ZNF248: variants seen among roughly 807,000 people sequenced by gnomAD.
ZNF248 encodes the protein KRAB protein domain.
ZNF248 carries 20 observed loss-of-function variants against 44.3 expected under a neutral mutation model. The ratio of observed to expected loss-of-function variants is 0.45; its 90% CI spans 0.32 to 0.66. The LOEUF (loss-of-function observed/expected upper bound fraction) is 0.66. Ranked by LOEUF, ZNF248 falls within the 30% of genes least tolerant of loss-of-function variation. The pLI is 0.04. For synonymous variants in ZNF248, 224 were observed against 229.0 expected (o/e 0.98, Z 0.20); for missense variants, 654 against 677.0 (o/e 0.97, Z 0.38).
chr10:37,847,731 CA>C (rs71007673), intron 3 of ZNF248, among the ~76,000 whole-genome samples: 15,546 of 149,892 alleles, frequency 0.1, 1,002 homozygotes, highest in Admixed American at 0.18. Flanking sequence ...GATATGTTTA[CA>C]AAAAAAAATT....
At position 37,829,161 on chromosome 10, in the gene ZNF248, C is replaced by T. The variant is rs185476869; in HGVS notation, c.*2454G>A. ...CCAAAGAGAGACACCAGCAATTTGG[C>T]ACCACAGTTCTGGTAGTAATGATGT... On this transcript the variant is annotated 3_prime_UTR_variant, in exon 6 of 6. Transcript: ENST00000395867. 2.4e-4 allele frequency: 233 copies of T among 985,456 alleles called. No individual in the cohort carries two copies. The highest frequency in any genetic ancestry group is 6.1e-4 in the South Asian group (13 of 21,278). 61.0% of individuals were successfully genotyped at this position (985,456 alleles called of 1,614,324 possible). A position where few individuals can be genotyped will look rare whatever the true frequency, so the allele number is the denominator to read the frequency against.
chr10:37,790,133 C>T (rs12267169), intron 6 of ZNF248, among the ~76,000 whole-genome samples: 29,654 of 150,024 alleles, frequency 0.2, 3,198 homozygotes, highest in Middle Eastern at 0.28. Context: ...GAGACAGGCG[C>T]GGTGGCAGGT....
Position 37,832,343 on chromosome 10 carries a change from C to A in ZNF248, c.1012G>T (p.Ala338Ser). Residue 338 changes from alanine (A) to serine (S), a missense_variant, in exon 6 of 6, where the codon GCT becomes TCT. Transcript: ENST00000395867. ...TGTACTATTTGATGTTTTAAGAGAGCTGACTTTTCCCAGGTTTTGTCACTC... is the reference window on the plus strand; with the variant it reads ...TGTACTATTTGATGTTTTAAGAGAGATGACTTTTCCCAGGTTTTGTCACTC... ...KVSDKTWEKSALLKHQIVHMG... is the reference protein window; with the variant it reads ...KVSDKTWEKSSLLKHQIVHMG... 2 of 1,614,062 alleles carry A rather than the reference C, an allele frequency of 1.2e-6. No homozygotes were observed. The highest frequency in any genetic ancestry group is 1.7e-6 in the Non-Finnish European group (2 of 1,179,970).
At chr10:37,837,751 C>A in intron 4 of ZNF248, 39 bp from the exon 5 acceptor site, 1 of 1,589,470 alleles carries the variant, frequency 6.3e-7, no homozygotes, top group Non-Finnish European at 8.6e-7. Context: ...AGCTAAATAG[C>A]TTGGTTTCAG....
At chr10:37,768,479 G>A in the ZNF248 span, among the ~76,000 whole-genome samples, 9 of 152,068 alleles carry the variant, frequency 5.9e-5, no homozygotes, top group Non-Finnish European at 1.2e-4. Context: ...ACTCAAAATC[G>A]CTCAACTACA....
the ZNF248 span, among the ~76,000 whole-genome samples, chr10:37,763,963 G>C: frequency 2.0e-5 from 3 of 152,122 alleles, no homozygotes. Flanking sequence ...TGTGATGATT[G>C]TGTTAACTGC....
In ZNF248 at chr10:37,831,558, A is replaced by G; in HGVS notation, c.*57T>C. ...TTCTGACATTCTTTGGCTTTCTCTG[A>G]TCTCCTTTTTTGAAACTGTATAACC... On this transcript the variant is annotated 3_prime_UTR_variant, in exon 6 of 6. Transcript: ENST00000395867. 2 of 1,553,800 alleles carry G rather than the reference A, an allele frequency of 1.3e-6. No individual in the cohort carries two copies. The highest frequency in any genetic ancestry group is 1.7e-6 in the Non-Finnish European group (2 of 1,152,978).
rs1200427459 is a variant in ZNF248 at position 37,832,415 on chromosome 10, T to C, written c.940A>G (p.Ile314Val). ...TTTCTTGTGTAAGCTCCCTGATGGATAATGAAAGCTGAATTGTCACAGAAG... is the reference window on the plus strand; with the variant it reads ...TTTCTTGTGTAAGCTCCCTGATGGACAATGAAAGCTGAATTGTCACAGAAG... Reference protein sequence around the residue: ...EIFCDNSAFIIHQGAYTRKIL... With the variant: ...EIFCDNSAFIVHQGAYTRKIL... Residue 314 changes from isoleucine to valine, a missense_variant, in exon 6 of 6, where the codon ATC (isoleucine) becomes GTC (valine). Physicochemically the swap from Ile to Val is conservative, Grantham distance 29. Coordinates refer to ENST00000395867, the MANE Select transcript of ZNF248 (RefSeq NM_021045.3). 4 of 1,614,000 alleles carry C rather than the reference T, an allele frequency of 2.5e-6. No individual in the cohort carries two copies. Among genetic ancestry groups the C allele is most frequent in the Admixed American group, 1.7e-5 (1 of 59,966 alleles).
At chr10:37,759,381 A>T in the ZNF248 span, among the ~76,000 whole-genome samples, 3 of 152,174 alleles carry the variant, frequency 2.0e-5, no homozygotes, top group Non-Finnish European at 4.4e-5. Flanking sequence ...GAACAAGTTC[A>T]TGAAACTATA....
Position 37,832,342 on chromosome 10 carries a change from G to A in ZNF248, c.1013C>T (p.Ala338Val). The A allele has an allele frequency of 6.2e-7, 1 of 1,614,042 alleles. No individual in the cohort carries two copies. The highest frequency in any genetic ancestry group is 2.2e-5 in the East Asian group (1 of 44,880). The change falls in exon 6 of 6, where the codon GCT (alanine) becomes GTT (valine). Residue 338 changes from alanine (A) to valine (V), a missense_variant. By Grantham distance (64) the Ala-to-Val change is moderately conservative (BLOSUM62 0). Transcript: ENST00000395867. ...KVSDKTWEKS[A>V]LLKHQIVHMG... ...GTGTACTATTTGATGTTTTAAGAGAGCTGACTTTTCCCAGGTTTTGTCACT... is the reference window on the plus strand; with the variant it reads ...GTGTACTATTTGATGTTTTAAGAGAACTGACTTTTCCCAGGTTTTGTCACT...
At chr10:37,771,410 G>T in the ZNF248 span, among the ~76,000 whole-genome samples, 1 of 152,024 alleles carries the variant, frequency 6.6e-6, no homozygotes, top group East Asian at 1.9e-4. Flanking sequence ...AAGAAAATGT[G>T]GCACATATAC....
chr10:37,852,479 G>C (rs1424061563), intron 3 of ZNF248, among the ~76,000 whole-genome samples: 3 of 151,900 alleles, frequency 2.0e-5, no homozygotes, highest in African/African-American at 7.3e-5. Flanking sequence ...GGGTTGGCTG[G>C]GGTTGGGGAA....
chr10:37,772,063 G>A (rs184207529), downstream of ZNF248, among the ~76,000 whole-genome samples: 2 of 152,178 alleles, frequency 1.3e-5, no homozygotes, highest in East Asian at 3.9e-4. Context: ...TCAGGAGTTC[G>A]AGACCAGCAT....
At chr10:37,841,393 T>G (rs2058320122) in intron 3 of ZNF248, among the ~76,000 whole-genome samples, 1 of 152,008 alleles carries the variant, frequency 6.6e-6, no homozygotes, top group Non-Finnish European at 1.5e-5. Flanking sequence ...TTGGAGTAAA[T>G]TTCTCTGACC....
At chr10:37,826,509 C>T (rs555383612), downstream of ZNF248, among the ~76,000 whole-genome samples, 28 of 152,220 alleles carry the variant, frequency 1.8e-4, no homozygotes, top group South Asian at 3.3e-3. Flanking sequence ...CGTTCAGGTA[C>T]GTTTTTCATC....
chr10:37,834,007 A>T (rs1350962877), intron 5 of ZNF248, among the ~76,000 whole-genome samples: 3 of 152,152 alleles, frequency 2.0e-5, no homozygotes, highest in Non-Finnish European at 4.4e-5. Context: ...ATTTCTGTGC[A>T]GTTTGGCTAG....
chr10:37,804,506 T>A (rs1003357536), intron 6 of ZNF248, among the ~76,000 whole-genome samples: 1 of 152,202 alleles, frequency 6.6e-6, no homozygotes, highest in African/African-American at 2.4e-5. Flanking sequence ...CCATCTTGGC[T>A]CACTGCAACC....
the ZNF248 span, among the ~76,000 whole-genome samples, chr10:37,768,266 C>T: frequency 1.1e-4 from 16 of 152,120 alleles, no homozygotes; most frequent in Non-Finnish European, 1.9e-4. Flanking sequence ...CAGCTCTGCA[C>T]CAAGCAGACC....
intron 6 of ZNF248, among the ~76,000 whole-genome samples, chr10:37,815,851 G>C (rs931510120): frequency 2.0e-5 from 3 of 152,010 alleles, no homozygotes; most frequent in Admixed American, 1.3e-4. Context: ...TGAAAGATTA[G>C]ACTGAGATGT....
Sources: allele counts gnomAD v4.1 joint callset (sites outside exome capture counted in the v4.1 genomes callset), GRCh38; gene constraint gnomAD v4.1.1; transcripts MANE v1.5; gene names NCBI Gene and HGNC (gene_info 2026-07-23, HGNC 2026-07-21).